The following LGR4 variants were observed in gnomAD, a reference collection of about 807,000 sequenced individuals.
LGR4 encodes the protein leucine-rich repeat-containing G protein-coupled receptor 4.
Under a neutral mutation model 84.8 loss-of-function variants are expected in LGR4, and 44 were observed. That is an observed-to-expected ratio of 0.52 (90% CI 0.41 to 0.67). LGR4 has a LOEUF of 0.67. Ranked by LOEUF, LGR4 falls within the 30% of genes least tolerant of loss-of-function variation. The pLI is 0.00. For missense variants in LGR4, 1,032 were observed against 1,131.4 expected (o/e 0.91, Z 1.26); for synonymous variants, 429 against 434.3 (o/e 0.99, Z 0.15).
intron 1 of LGR4, among the ~76,000 whole-genome samples, chr11:27,445,908 A>G (rs1864381212): frequency 2.0e-5 from 3 of 152,154 alleles, no homozygotes; most frequent in Non-Finnish European, 4.4e-5. Flanking sequence ...CAGTAGCCAC[A>G]TATTTGATGT....
intron 4 of LGR4, among the ~76,000 whole-genome samples, chr11:27,389,506 A>G (rs1004763150): frequency 6.6e-6 from 1 of 152,120 alleles, no homozygotes; most frequent in African/African-American, 2.4e-5. Context: ...ACTTTAATGT[A>G]CTTATTGACC....
At chr11:27,397,140 C>G (rs1013212450) in intron 2 of LGR4, among the ~76,000 whole-genome samples, 13 of 152,172 alleles carry the variant, frequency 8.5e-5, no homozygotes, top group Admixed American at 7.9e-4. Flanking sequence ...TACATCCAAA[C>G]ACACCATGCA....
chr11:27,393,387 G>A (rs1302136566), intron 2 of LGR4, among the ~76,000 whole-genome samples: 1 of 152,038 alleles, frequency 6.6e-6, no homozygotes, highest in Non-Finnish European at 1.5e-5. Flanking sequence ...ACTCTCCTGG[G>A]TCCTGGTTCT....
intron 1 of LGR4, among the ~76,000 whole-genome samples, chr11:27,454,471 A>G (rs977926003): frequency 7.9e-5 from 12 of 152,164 alleles, no homozygotes; most frequent in Non-Finnish European, 1.5e-4. Context: ...GAATAAATAA[A>G]ATTATTGGCC....
At chr11:27,471,071 T>A (rs1031111084) in intron 1 of LGR4, among the ~76,000 whole-genome samples, 3 of 152,150 alleles carry the variant, frequency 2.0e-5, no homozygotes, top group Non-Finnish European at 4.4e-5. Context: ...AGCATTCAGC[T>A]GGCCACGCAA....
intron 1 of LGR4, among the ~76,000 whole-genome samples, chr11:27,445,484 A>G (rs1300999855): frequency 6.6e-6 from 1 of 152,218 alleles, no homozygotes; most frequent in Non-Finnish European, 1.5e-5. Flanking sequence ...TAAAGCTCTT[A>G]GCATGATATC....
chr11:27,426,666 A>G (rs1002991862), intron 1 of LGR4, among the ~76,000 whole-genome samples: 1 of 152,184 alleles, frequency 6.6e-6, no homozygotes, highest in Non-Finnish European at 1.5e-5. Flanking sequence ...TCCCCAGCTC[A>G]TAGCAAAAAG....
At chr11:27,431,066 G>C (rs913451005) in intron 1 of LGR4, among the ~76,000 whole-genome samples, 1 of 151,730 alleles carries the variant, frequency 6.6e-6, no homozygotes, top group Non-Finnish European at 1.5e-5. Flanking sequence ...CCCCTAAAAT[G>C]GCCCCCAGTA....
intron 1 of LGR4, among the ~76,000 whole-genome samples, chr11:27,416,578 A>G (rs1252564451): frequency 6.6e-6 from 1 of 152,168 alleles, no homozygotes; most frequent in Non-Finnish European, 1.5e-5. Context: ...ACTTTTACAG[A>G]AGACACTAAA....
At chr11:27,384,615 C>T (rs1863153464) in intron 5 of LGR4, among the ~76,000 whole-genome samples, 1 of 152,108 alleles carries the variant, frequency 6.6e-6, no homozygotes. Context: ...ACTCACTAAA[C>T]ATAGACTACC....
intron 2 of LGR4, among the ~76,000 whole-genome samples, chr11:27,402,368 G>T (rs1863520258): frequency 6.6e-6 from 1 of 151,926 alleles, no homozygotes; most frequent in Non-Finnish European, 1.5e-5. Context: ...TATGTGGAGT[G>T]ATAACAGGAT....
At chr11:27,440,290 C>T (rs1864284556) in intron 1 of LGR4, among the ~76,000 whole-genome samples, 1 of 152,100 alleles carries the variant, frequency 6.6e-6, no homozygotes, top group Non-Finnish European at 1.5e-5. Flanking sequence ...ATACACCTGC[C>T]CACCCAGCAG....
Position 27,472,546 on chromosome 11 carries a change from TCACGCCAGCCGGGCCGGCCCGGCG to T in LGR4, c.-268_-245del, listed in dbSNP as rs1864900672. 1 of 383,162 alleles carries T rather than the reference TCACGCCAGCCGGGCCGGCCCGGCG, an allele frequency of 2.6e-6. No homozygotes were observed. Among genetic ancestry groups the T allele is most frequent in the African/African-American group, 2.1e-5 (1 of 47,738 alleles). 23.7% of individuals were successfully genotyped at this position (383,162 alleles called of 1,614,324 possible). On this transcript the variant is annotated 5_prime_UTR_variant, in exon 1 of 18. The change creates a premature stop within an existing upstream ORF in the 5' untranslated region. Transcript: ENST00000379214. ...GAGGCAGCCCCGCTCCTCCGGCGGC[TCACGCCAGCCGGGCCGGCCCGGCG>T]CAGCGGCGGGGGCCGCGCTCTGCCA...
At chr11:27,428,200 C>T (rs967251411) in intron 1 of LGR4, among the ~76,000 whole-genome samples, 7 of 151,652 alleles carry the variant, frequency 4.6e-5, no homozygotes, top group Non-Finnish European at 1.0e-4. Flanking sequence ...AGCAGTGGCA[C>T]GTTCTCAGCT....
rs1190103506 is a variant in LGR4 at position 27,385,441 on chromosome 11, T to C, written c.429A>G (p.Ser143=). The change falls in exon 5 of 18, where the codon TCA becomes TCG. Residue 143 remains serine, a synonymous_variant. Coordinates refer to ENST00000379214, the MANE Select transcript of LGR4 (RefSeq NM_018490.5). ...SLRLDANHIT[S]VPEDSFEGLV... is the part of the protein sequence containing the mutation. Reference sequence around the variant, plus strand: ...GTCCTTCAAAACTGTCCTCGGGGACTGAGGTAATATGGTTGGCATCTAAAC... The same window carrying C: ...GTCCTTCAAAACTGTCCTCGGGGACCGAGGTAATATGGTTGGCATCTAAAC... 1.2e-6 allele frequency: 2 copies of C among 1,607,288 alleles called. No homozygotes were observed. The highest frequency in any genetic ancestry group is 1.7e-6 in the Non-Finnish European group (2 of 1,177,106).
chr11:27,377,262 T>C (rs1338875714), intron 11 of LGR4, 39 bp from the exon 12 acceptor site: 1 of 1,058,976 alleles, frequency 9.4e-7, no homozygotes, highest in Non-Finnish European at 1.4e-6. Flanking sequence ...TGCTATGTTA[T>C]CAGAGTATTA....
At chr11:27,385,517 G>T in intron 4 of LGR4, 49 bp from the exon 5 acceptor site, 1 of 1,254,488 alleles carries the variant, frequency 8.0e-7, no homozygotes. Context: ...CTAGTGAAAT[G>T]AGTCAGTTCA....
chr11:27,462,163 A>G (rs1156595990), intron 1 of LGR4, among the ~76,000 whole-genome samples: 2 of 152,136 alleles, frequency 1.3e-5, no homozygotes, highest in African/African-American at 4.8e-5. Context: ...GAAAGTCCTC[A>G]GTGTCACAAA....
chr11:27,380,460 G>A (rs1449839070), intron 9 of LGR4, 121 bp from the exon 10 acceptor site: 2 of 745,228 alleles, frequency 2.7e-6, no homozygotes, highest in African/African-American at 1.8e-5. Context: ...TCTCTTGAAT[G>A]TACTTGAAAG....
Sources: gnomAD v4.1 joint callset for allele counts (sites outside exome capture counted in the v4.1 genomes callset) on GRCh38, gnomAD v4.1.1 for gene constraint, MANE v1.5 for transcripts, NCBI Gene and HGNC (gene_info 2026-07-23, HGNC 2026-07-21) for gene names.